The following SWAP70 variants were observed in gnomAD, a reference collection of about 807,000 sequenced individuals.
SWAP70 encodes switch-associated protein 70.
In SWAP70, 34 loss-of-function variants were observed where a neutral mutation model predicts 80.2. The ratio of observed to expected loss-of-function variants is 0.42; its 90% CI spans 0.32 to 0.56. The LOEUF is 0.56. Ranked by LOEUF, SWAP70 falls within the 20% of genes least tolerant of loss-of-function variation. The probability of loss-of-function intolerance (pLI) is 0.09; values close to 1 mark genes in which losing one functional copy is unlikely to be tolerated. For missense variants in SWAP70, 578 were observed against 690.7 expected, an observed-to-expected ratio of 0.84 and a Z score of 1.83; for synonymous variants, 239 against 238.5, an observed-to-expected ratio of 1.00 and a Z score of -0.02.
intron 3 of SWAP70, among the ~76,000 whole-genome samples, chr11:9,722,316 G>A (rs1851149567): frequency 6.6e-6 from 1 of 152,232 alleles, no homozygotes. Context: ...TTAAAGATGA[G>A]TGGGACATGG....
intron 8 of SWAP70, among the ~76,000 whole-genome samples, chr11:9,738,841 A>G (rs1851399061): frequency 6.6e-6 from 1 of 152,088 alleles, no homozygotes; most frequent in African/African-American, 2.4e-5. Flanking sequence ...AGCCTGGGTG[A>G]CAGAGCAAGG....
At chr11:9,718,767 G>C (rs1389687195) in intron 3 of SWAP70, among the ~76,000 whole-genome samples, 2 of 147,094 alleles carry the variant, frequency 1.4e-5, no homozygotes, top group Non-Finnish European at 3.0e-5. Flanking sequence ...TTTGTTTAGA[G>C]TGTTTTTTAA....
intron 1 of SWAP70, among the ~76,000 whole-genome samples, chr11:9,673,052 C>T (rs980167895): frequency 6.6e-6 from 1 of 152,164 alleles, no homozygotes; most frequent in South Asian, 2.1e-4. Flanking sequence ...CTGCAGTGGA[C>T]ACCAGCTGGG....
chr11:9,740,851 T>C (rs761138315), intron 9 of SWAP70: 2 of 160,328 alleles, frequency 1.2e-5, no homozygotes, highest in Non-Finnish European at 2.7e-5. Flanking sequence ...TTAAAAGTAT[T>C]TGAAACCTAG....
At chr11:9,676,635 A>G (rs1850503943) in intron 1 of SWAP70, among the ~76,000 whole-genome samples, 1 of 151,862 alleles carries the variant, frequency 6.6e-6, no homozygotes, top group Admixed American at 6.6e-5. Context: ...TGCCCATGTT[A>G]AGTATAGATG....
chr11:9,692,204 G>A (rs1850705093), intron 1 of SWAP70, among the ~76,000 whole-genome samples: 1 of 120,480 alleles, frequency 8.3e-6, no homozygotes, highest in African/African-American at 3.2e-5. Context: ...GTGATCTTAG[G>A]CTGGCCACTT....
chr11:9,740,637 C>G (rs951338603), intron 9 of SWAP70: 1 of 419,836 alleles, frequency 2.4e-6, no homozygotes, highest in Non-Finnish European at 4.5e-6. Context: ...TCGAGAAAAT[C>G]CACAAACCCA....
chr11:9,725,555 A>G (rs1327172698), intron 4 of SWAP70, among the ~76,000 whole-genome samples: 1 of 11,206 alleles, frequency 8.9e-5, no homozygotes, highest in Admixed American at 1.1e-3. Flanking sequence ...ATATATATAT[A>G]TATATATATA....
intron 2 of SWAP70, among the ~76,000 whole-genome samples, chr11:9,694,665 A>T (rs771592282): frequency 6.6e-6 from 1 of 152,246 alleles, no homozygotes; most frequent in Non-Finnish European, 1.5e-5. Flanking sequence ...ATGAACAGAC[A>T]CTTCTCAAAA....
rs759572416 is a variant in SWAP70 at position 9,713,470 on chromosome 11, A to G, written c.245A>G (p.Gln82Arg). The G allele has an allele frequency of 2.7e-5, 44 of 1,610,502 alleles. No homozygotes were observed. Among genetic ancestry groups the G allele is most frequent in the Non-Finnish European group, 3.5e-5 (41 of 1,178,914 alleles). ...YLNRFILEKV[Q>R]DNFDKIEFNR... ...TTTTTCCTTATTCCTTTTTAGGTCCAAGACAACTTTGACAAGATTGAATTC... is the reference window on the plus strand; with the variant it reads ...TTTTTCCTTATTCCTTTTTAGGTCCGAGACAACTTTGACAAGATTGAATTC... The change falls in exon 3 of 12, where the codon CAA becomes CGA. Residue 82 changes from glutamine to arginine, a missense_variant. Coordinates refer to ENST00000318950, the MANE Select transcript of SWAP70 (RefSeq NM_015055.4).
chr11:9,675,495 A>G (rs966698885), intron 1 of SWAP70, among the ~76,000 whole-genome samples: 48 of 152,008 alleles, frequency 3.2e-4, no homozygotes, highest in African/African-American at 1.1e-3. Flanking sequence ...CATAAACTAC[A>G]ATAGAAACAG....
At chr11:9,735,713 T>G (rs568039895) in intron 7 of SWAP70, among the ~76,000 whole-genome samples, 1 of 152,374 alleles carries the variant, frequency 6.6e-6, no homozygotes, top group East Asian at 1.9e-4. Context: ...TGAGAACTAG[T>G]CAGAACTTTC....
At chr11:9,725,676 A>T (rs12283340) in intron 4 of SWAP70, among the ~76,000 whole-genome samples, 1 of 148,878 alleles carries the variant, frequency 6.7e-6, no homozygotes, top group Non-Finnish European at 1.5e-5. Flanking sequence ...GGTTCAAACA[A>T]TTCTCCCGCC....
At position 9,747,960 on chromosome 11, in the gene SWAP70, G is replaced by A. The variant is rs1851533406; in HGVS notation, c.1458G>A (p.Glu486=). 3 of 1,614,222 alleles carry A rather than the reference G, an allele frequency of 1.9e-6. No homozygotes were observed. Among genetic ancestry groups the A allele is most frequent in the South Asian group, 1.1e-5 (1 of 91,084 alleles). The part of the protein sequence containing the change: ...QTTEAEKQEL[E]NQRVLKEQAL... ...CCGAGGCGGAGAAGCAGGAGTTGGA[G>A]AATCAGCGTGTCCTGAAGGAACAGG... Residue 486 remains glutamate (E), a synonymous_variant, in exon 10 of 12, where the codon GAG becomes GAA. Coordinates refer to ENST00000318950, the MANE Select transcript of SWAP70 (RefSeq NM_015055.4).
chr11:9,668,023 G>A (rs1359392174), intron 1 of SWAP70, among the ~76,000 whole-genome samples: 1 of 152,122 alleles, frequency 6.6e-6, no homozygotes, highest in African/African-American at 2.4e-5. Context: ...CAAATAGCTG[G>A]GATTACAGGT....
chr11:9,725,555 ATATATATATATATAT>A (rs1459929689), intron 4 of SWAP70, among the ~76,000 whole-genome samples: 4 of 11,206 alleles, frequency 3.6e-4, no homozygotes, highest in African/African-American at 6.2e-4. Context: ...ATATATATAT[ATATATATATATATAT>A]TTTTTTTTTT....
At position 9,675,380 on chromosome 11, in the gene SWAP70, A is replaced by G. The variant is rs895809333; in HGVS notation, c.99+11102A>G. Among the ~76,000 whole-genome samples the G allele has an allele frequency of 7.5e-4, 70 of 93,050 alleles. 5 individuals carry two copies. Among genetic ancestry groups the G allele is most frequent in the South Asian group, 3.7e-3 (7 of 1,908 alleles). 61.0% of individuals were successfully genotyped at this position (93,050 alleles called of 152,430 possible). On this transcript the variant is annotated intron_variant, in intron 1 of 11. Transcript: ENST00000318950. ...GAGAGAGAGAGAGAGAGAGAGAGAG[A>G]GAGAGAGAGAGAGAGAGAGAGAGAG...
chr11:9,707,478 CCTATGAG>C (rs1375969028), intron 2 of SWAP70, among the ~76,000 whole-genome samples: 4 of 151,840 alleles, frequency 2.6e-5, no homozygotes, highest in African/African-American at 9.7e-5. Flanking sequence ...CCTATTGTCA[CCTATGAG>C]AGCATTTCCT....
At chr11:9,712,922 C>G (rs1319164362) in intron 2 of SWAP70, among the ~76,000 whole-genome samples, 1 of 152,102 alleles carries the variant, frequency 6.6e-6, no homozygotes, top group Non-Finnish European at 1.5e-5. Flanking sequence ...GTCTCAAACT[C>G]CTGACCTCAG....
Sources: gnomAD v4.1 joint callset for allele counts (sites outside exome capture counted in the v4.1 genomes callset) on GRCh38, gnomAD v4.1.1 for gene constraint, MANE v1.5 for transcripts, NCBI Gene and HGNC (gene_info 2026-07-23, HGNC 2026-07-21) for gene names.